SCMH1: variants seen among roughly 807,000 people sequenced by gnomAD.
The protein encoded by SCMH1 is Scm polycomb group protein homolog 1, also known as polycomb protein SCMH1.
A neutral mutation model predicts 70.8 loss-of-function variants in SCMH1; 37 were observed. The ratio of observed to expected loss-of-function variants is 0.52; its 90% confidence interval spans 0.40 to 0.69. SCMH1 has a LOEUF of 0.69. Ranked by LOEUF, SCMH1 falls within the 30% of genes least tolerant of loss-of-function variation. SCMH1 has a pLI of 0.00. For missense variants in SCMH1, 607 were observed against 827.3 expected (o/e 0.73, Z 3.27); for synonymous variants, 292 against 307.4 (o/e 0.95, Z 0.52).
intron 8 of SCMH1, among the ~76,000 whole-genome samples, chr1:41,082,550 G>C (rs1660343024): frequency 6.6e-6 from 1 of 152,046 alleles, no homozygotes; most frequent in Non-Finnish European, 1.5e-5. Flanking sequence ...TGTCCTAAAA[G>C]AGCTCCTGAA....
intron 5 of SCMH1, among the ~76,000 whole-genome samples, chr1:41,150,075 A>AT (rs1347375040): frequency 2.0e-5 from 3 of 151,946 alleles, no homozygotes; most frequent in Non-Finnish European, 1.5e-5. Context: ...TGGGCTCAAC[A>AT]TGAGTTCCCT....
chr1:41,137,591 A>G (rs1463291228), intron 6 of SCMH1, among the ~76,000 whole-genome samples: 1 of 152,240 alleles, frequency 6.6e-6, no homozygotes, highest in East Asian at 1.9e-4. Flanking sequence ...TCTAAGCAGC[A>G]GCATCCTTAC....
intron 8 of SCMH1, among the ~76,000 whole-genome samples, chr1:41,094,815 G>C (rs946804074): frequency 6.6e-6 from 1 of 151,688 alleles, no homozygotes; most frequent in Non-Finnish European, 1.5e-5. Context: ...CTAGAACCCA[G>C]AAGGCGGAGG....
intron 9 of SCMH1, 132 bp downstream of exon 9, chr1:41,075,087 C>T (rs1657844760): frequency 2.5e-6 from 2 of 803,620 alleles, no homozygotes; most frequent in South Asian, 3.2e-5. Flanking sequence ...TGGTCTCGAT[C>T]TCCTGACCTC....
At position 41,170,272 on chromosome 1, in the gene SCMH1, G is replaced by T. The variant is rs193229469; in HGVS notation, c.14-8840C>A. ...CTTAAGTTAGGATGCTATATGTGGG[G>T]TTAAAACCCTCCTCTCCATGGGGAG... On this transcript the variant is annotated intron_variant, in intron 2 of 14. Transcript: ENST00000337495. 9.3e-3 allele frequency among the ~76,000 whole-genome samples: 1,422 copies of T among 152,316 alleles called. 11 individuals carry two copies. The highest frequency in any genetic ancestry group is 0.014 in the Non-Finnish European group (970 of 68,026).
intron 8 of SCMH1, among the ~76,000 whole-genome samples, chr1:41,106,150 C>T (rs940974251): frequency 2.0e-5 from 3 of 151,820 alleles, no homozygotes; most frequent in African/African-American, 7.3e-5. Context: ...GCTGGGATTA[C>T]AAGTGTGAGC....
intron 2 of SCMH1, among the ~76,000 whole-genome samples, chr1:41,185,603 A>G (rs985232921): frequency 6.6e-6 from 1 of 151,736 alleles, no homozygotes; most frequent in Non-Finnish European, 1.5e-5. Context: ...TCCTTTCTCA[A>G]TAATTATTTC....
At chr1:41,162,275 T>A (rs1646098245) in intron 2 of SCMH1, among the ~76,000 whole-genome samples, 1 of 152,110 alleles carries the variant, frequency 6.6e-6, no homozygotes, top group Non-Finnish European at 1.5e-5. Flanking sequence ...GTTCTGATCT[T>A]GGAGCAAAGT....
intron 8 of SCMH1, among the ~76,000 whole-genome samples, chr1:41,090,811 G>C (rs529009770): frequency 6.6e-6 from 1 of 151,986 alleles, no homozygotes; most frequent in Non-Finnish European, 1.5e-5. Context: ...AGGCTGAGGC[G>C]GGTGGATCAT....
At chr1:41,129,609 T>C (rs1674113363) in intron 6 of SCMH1, among the ~76,000 whole-genome samples, 1 of 152,200 alleles carries the variant, frequency 6.6e-6, no homozygotes, top group South Asian at 2.1e-4. Context: ...TGTGTGTGCG[T>C]ATGTGTGACA....
At chr1:41,175,293 C>T (rs544422551) in intron 2 of SCMH1, among the ~76,000 whole-genome samples, 17 of 152,306 alleles carry the variant, frequency 1.1e-4, no homozygotes, top group Admixed American at 4.6e-4. Flanking sequence ...TTCTCCTGCC[C>T]TTGGACACTG....
intron 3 of SCMH1, 82 bp downstream of exon 3, chr1:41,161,282 C>A: frequency 6.5e-7 from 1 of 1,541,806 alleles, no homozygotes; most frequent in East Asian, 2.5e-5. Context: ...TTTGTAAACT[C>A]AGACCTCTAA....
At chr1:41,033,893 G>T in intron 13 of SCMH1, 90 bp downstream of exon 14, 1 of 1,586,226 alleles carries the variant, frequency 6.3e-7, no homozygotes, top group Non-Finnish European at 8.6e-7. Flanking sequence ...ACCATCTGAG[G>T]CCAGTGCCAG....
chr1:41,099,359 G>C (rs1665966888), intron 8 of SCMH1, among the ~76,000 whole-genome samples: 1 of 152,116 alleles, frequency 6.6e-6, no homozygotes, highest in African/African-American at 2.4e-5. Context: ...AAAGGGCCCT[G>C]GAATTTCCTG....
chr1:41,086,099 A>G (rs1661580364), intron 8 of SCMH1, among the ~76,000 whole-genome samples: 1 of 152,072 alleles, frequency 6.6e-6, no homozygotes, highest in Non-Finnish European at 1.5e-5. Flanking sequence ...TTGGCCTCCC[A>G]AAGTGTTGGG....
intron 2 of SCMH1, chr1:41,162,971 A>C (rs1250953308): frequency 6.6e-6 from 1 of 152,226 alleles, no homozygotes; most frequent in African/African-American, 2.4e-5. Flanking sequence ...GGCGTGGCTA[A>C]AAGAGTTGCT....
chr1:41,190,667 T>C (rs992324771), intron 1 of SCMH1, among the ~76,000 whole-genome samples: 1 of 152,178 alleles, frequency 6.6e-6, no homozygotes, highest in African/African-American at 2.4e-5. Flanking sequence ...GCATGGACAG[T>C]GTGTGTGTGC....
At chr1:41,094,436 C>T (rs1664516546) in intron 8 of SCMH1, among the ~76,000 whole-genome samples, 1 of 152,098 alleles carries the variant, frequency 6.6e-6, no homozygotes, top group Non-Finnish European at 1.5e-5. Flanking sequence ...CTTGAAGATG[C>T]TGTGAAAGGG....
intron 8 of SCMH1, among the ~76,000 whole-genome samples, chr1:41,085,194 C>T (rs1267382456): frequency 6.6e-6 from 1 of 151,360 alleles, no homozygotes; most frequent in Non-Finnish European, 1.5e-5. Context: ...TAAGAGACTA[C>T]CACGAACAAG....
Sources: allele counts gnomAD v4.1 joint callset (sites outside exome capture counted in the v4.1 genomes callset), GRCh38; gene constraint gnomAD v4.1.1; transcripts MANE v1.5; gene names NCBI Gene and HGNC (gene_info 2026-07-23, HGNC 2026-07-21).